Variants in SCYL3 observed in about 807,000 individuals in gnomAD.
The protein encoded by SCYL3 is protein-associating with the carboxyl-terminal domain of ezrin.
Under a neutral mutation model 73.8 loss-of-function variants are expected in SCYL3, and 35 were observed. The observed-to-expected ratio is 0.47, with a 90% confidence interval of 0.36 to 0.63. The LOEUF (loss-of-function observed/expected upper bound fraction) is 0.63. SCYL3 is among the 20% of genes least tolerant of loss of function. The pLI is 0.00. For missense variants in SCYL3, 712 were observed against 798.9 expected (o/e 0.89, Z 1.31); for synonymous variants, 277 against 295.2 (o/e 0.94, Z 0.63).
At chr1:169,878,456 C>CTT (rs1246199458) in intron 3 of SCYL3, among the ~76,000 whole-genome samples, 178 bp downstream of exon 3, 1 of 152,254 alleles carries the variant, frequency 6.6e-6, no homozygotes, top group Non-Finnish European at 1.5e-5. Context: ...TATAAAACCT[C>CTT]TATCTATAGC....
chr1:169,875,657 A>G (rs1436760431), intron 4 of SCYL3, among the ~76,000 whole-genome samples: 1 of 152,254 alleles, frequency 6.6e-6, no homozygotes, highest in Non-Finnish European at 1.5e-5. Flanking sequence ...AGGTAATTTC[A>G]CTATCAAGTG....
chr1:169,851,110 G>A lies in SCYL3; in HGVS notation c.*2603C>T, dbSNP rs970742175. 8.0e-5 allele frequency: 8 copies of A among 100,506 alleles called. No individual in the cohort carries two copies. The highest frequency in any genetic ancestry group is 1.3e-4 in the Admixed American group (1 of 7,592). 6.2% of individuals were successfully genotyped at this position (100,506 alleles called of 1,614,324 possible). ...TTTATTCTCTTTGCAGCCAAGACCTGTTTTTACAATTAAAACCAAAATTTT... is the reference window on the plus strand; with the variant it reads ...TTTATTCTCTTTGCAGCCAAGACCTATTTTTACAATTAAAACCAAAATTTT... On this transcript the variant is annotated 3_prime_UTR_variant, in exon 13 of 13. Coordinates refer to ENST00000367771, the MANE Select transcript of SCYL3 (RefSeq NM_020423.7).
chr1:169,872,068 A>C (rs2102174591), intron 5 of SCYL3, among the ~76,000 whole-genome samples: 1 of 152,346 alleles, frequency 6.6e-6, no homozygotes, highest in East Asian at 1.9e-4. Context: ...GCCAAATGTT[A>C]ATCCCCAAGA....
chr1:169,858,203 C>T (rs1283669785), intron 11 of SCYL3, among the ~76,000 whole-genome samples: 1 of 152,194 alleles, frequency 6.6e-6, no homozygotes, highest in Non-Finnish European at 1.5e-5. Context: ...TATTGTACAA[C>T]TGTACCAAAA....
At chr1:169,869,788 G>GA (rs1297181257) in intron 6 of SCYL3, among the ~76,000 whole-genome samples, 5 of 151,924 alleles carry the variant, frequency 3.3e-5, no homozygotes, top group Non-Finnish European at 7.4e-5. Context: ...GGCAATGAAA[G>GA]AAAAAAGTGA....
At chr1:169,889,233 T>G (rs941544439) in intron 1 of SCYL3, among the ~76,000 whole-genome samples, 2 of 152,152 alleles carry the variant, frequency 1.3e-5, no homozygotes, top group African/African-American at 4.8e-5. Flanking sequence ...CAAAGGAAAA[T>G]GTTGTAAAAA....
chr1:169,858,673 AT>A (rs1429347250), intron 11 of SCYL3, among the ~76,000 whole-genome samples: 1 of 152,228 alleles, frequency 6.6e-6, no homozygotes. Context: ...TGAGTAATGC[AT>A]TCCACTACAG....
chr1:169,863,609 C>T (rs957379870), intron 9 of SCYL3, among the ~76,000 whole-genome samples: 21 of 152,242 alleles, frequency 1.4e-4, no homozygotes, highest in African/African-American at 5.1e-4. Flanking sequence ...GCTCTCTGTT[C>T]TAGAACCAAT....
At chr1:169,882,313 C>G (rs1426720213) in intron 2 of SCYL3, among the ~76,000 whole-genome samples, 1 of 152,232 alleles carries the variant, frequency 6.6e-6, no homozygotes, top group African/African-American at 2.4e-5. Flanking sequence ...CGGTGCTGCA[C>G]TCATTTTCTC....
rs1658435953 is a variant in SCYL3, at chr1:169,852,093, TAA to T, written c.*1618_*1619del. ...AATTCTGTTTTATGGTAGTTGCTTT[TAA>T]AATTAAGAAGTGGGACTACACCATA... is the stretch of plus-strand genomic sequence containing the variant. On this transcript the variant is annotated 3_prime_UTR_variant, in exon 13 of 13. Coordinates refer to ENST00000367771, the MANE Select transcript of SCYL3 (RefSeq NM_020423.7). 1.0e-6 allele frequency: 1 copy of T among 977,928 alleles called. No homozygotes were observed. Among genetic ancestry groups the T allele is most frequent in the Non-Finnish European group, 1.5e-6 (1 of 646,460 alleles). The allele number at this position is 977,928 out of a possible 1,614,324, so 60.6% of individuals were successfully genotyped here.
intron 9 of SCYL3, 125 bp downstream of exon 9, chr1:169,864,244 A>G (rs1659866346): frequency 7.8e-7 from 1 of 1,280,374 alleles, no homozygotes. Context: ...TCAGGGGCCA[A>G]CAATTGTTCT....
intron 1 of SCYL3, among the ~76,000 whole-genome samples, chr1:169,891,181 T>C (rs1294348693): frequency 1.3e-5 from 2 of 152,128 alleles, no homozygotes; most frequent in East Asian, 1.9e-4. Context: ...TGCTATGAGG[T>C]GGAGGTGGAG....
At chr1:169,858,957 A>C (rs17543370) in intron 11 of SCYL3, 84 bp downstream of exon 11, 1 of 1,193,936 alleles carries the variant, frequency 8.4e-7, no homozygotes, top group Admixed American at 2.2e-5. Flanking sequence ...ATTTGACTGA[A>C]TATGACCCTC....
chr1:169,854,555 C>T lies in SCYL3; in HGVS notation c.1722G>A (p.Arg574=), dbSNP rs374960229. 3.1e-6 allele frequency: 5 copies of T among 1,613,754 alleles called. No individual in the cohort carries two copies. The highest frequency in any genetic ancestry group is 3.3e-5 in the Admixed American group (2 of 59,932). The change falls in exon 12 of 13, where the codon AGG becomes AGA. Residue 574 remains arginine, a synonymous_variant. Transcript: ENST00000367771. The part of the protein sequence containing the change: ...SLPQKISLVQ[R]GDDADQIEPP... ...GCTCGATTTGGTCTGCGTCATCCCC[C>T]CTTTGTACAAGGCTAATCTTTTGGG...
chr1:169,868,867 G>T, intron 7 of SCYL3, 61 bp downstream of exon 7: 2 of 1,224,386 alleles, frequency 1.6e-6, no homozygotes, highest in Non-Finnish European at 2.4e-6. Context: ...CTTATCCAAG[G>T]CACAAGAGCA....
Position 169,854,920 on chromosome 1 carries a change from A to G in SCYL3, c.1357T>C (p.Ser453Pro), listed in dbSNP as rs748034631. ...TCCTCCGAAGTATTTTTTACATCTG[A>G]GAGTCCATTTATGGGAAATTTAATA... ...QPIKFPINGL[S>P]DVKNTSEDSE... is the part of the protein sequence containing the mutation. The change falls in exon 12 of 13, where the codon TCA becomes CCA. Residue 453 changes from serine (S) to proline (P), a missense_variant. Around this residue, in one of 2 missense-constraint regions of SCYL3, gnomAD observed 370 missense variants for 350.8 expected, o/e 1.05. Transcript: ENST00000367771. 1 of 1,612,590 alleles carries G rather than the reference A, an allele frequency of 6.2e-7. No homozygotes were observed. Among genetic ancestry groups the G allele is most frequent in the South Asian group, 1.1e-5 (1 of 90,786 alleles).
intron 1 of SCYL3, among the ~76,000 whole-genome samples, chr1:169,892,273 T>C (rs1307916526): frequency 1.3e-5 from 2 of 152,196 alleles, no homozygotes; most frequent in African/African-American, 4.8e-5. Flanking sequence ...TTGTTTTAAA[T>C]AGAGATATGG....
In SCYL3 at chr1:169,875,017, A is replaced by G. The variant is rs74122417; in HGVS notation, c.465+961T>C. 7.1e-3 allele frequency among the ~76,000 whole-genome samples: 1,078 copies of G among 152,336 alleles called. 12 individuals carry two copies. The highest frequency in any genetic ancestry group is 0.025 in the African/African-American group (1,030 of 41,574). On this transcript the variant is annotated intron_variant, in intron 4 of 12. Transcript: ENST00000367771. The stretch of plus-strand genomic sequence containing the variant: ...AGGGCCTTATATCCCATGGCAAAGA[A>G]TTTGGAATAAACAGCACAGAAAGGA...
At chr1:169,879,068 A>G (rs928164364) in intron 2 of SCYL3, among the ~76,000 whole-genome samples, 3 of 152,244 alleles carry the variant, frequency 2.0e-5, no homozygotes, top group East Asian at 3.9e-4. Context: ...TGTAAGCCTC[A>G]TAAGAGCCCA....
Sources: gnomAD v4.1 joint callset for allele counts (sites outside exome capture counted in the v4.1 genomes callset) on GRCh38, gnomAD v4.1.1 for gene constraint, gnomAD v4.1.1 regional missense constraint, MANE v1.5 for transcripts, NCBI Gene and HGNC (gene_info 2026-07-23, HGNC 2026-07-21) for gene names.